ICOS: variants seen among roughly 807,000 people sequenced by gnomAD.
ICOS encodes the protein inducible T cell costimulator.
Under a neutral mutation model 24.6 loss-of-function variants are expected in ICOS, and 15 were observed. The observed-to-expected ratio is 0.61, with a 90% CI of 0.41 to 0.94. The LOEUF (loss-of-function observed/expected upper bound fraction) is 0.94, where lower values mean the gene tolerates loss of function less well. ICOS is among the 40% of genes least tolerant of loss of function. The pLI, the probability that ICOS is intolerant of heterozygous loss-of-function variation, is 0.00. For missense variants in ICOS, 200 were observed against 233.0 expected (o/e 0.86, Z 0.92); for synonymous variants, 89 against 77.5 (o/e 1.15, Z -0.78).
chr2:203,944,110 T>C (rs1467184840), intron 1 of ICOS, among the ~76,000 whole-genome samples: 5 of 152,218 alleles, frequency 3.3e-5, no homozygotes, highest in Admixed American at 6.5e-5. Context: ...TTCCCCTGCA[T>C]GTGAAATCTG....
At chr2:203,945,496 G>A (rs1302750522) in intron 1 of ICOS, among the ~76,000 whole-genome samples, 1 of 152,142 alleles carries the variant, frequency 6.6e-6, no homozygotes, top group Non-Finnish European at 1.5e-5. Flanking sequence ...TGTCCTTAGT[G>A]ATTTTGTTGT....
Position 203,956,731 on chromosome 2 carries a change from T to G in ICOS, c.467T>G (p.Leu156Trp). ...GCAAFVVVCI[L>W]GCILICWLTK... ...GCAGCCTTTGTTGTAGTCTGCATTT[T>G]GGGATGCATACTTATTTGTTGGCTT... Residue 156 changes from leucine (L) to tryptophan (W), a missense_variant, in exon 3 of 5, where the codon TTG (leucine) becomes TGG (tryptophan). Physicochemically the swap from Leu to Trp is moderately conservative, Grantham distance 61. Coordinates refer to ENST00000316386, the MANE Select transcript of ICOS (RefSeq NM_012092.4). 1 of 1,612,896 alleles carries G rather than the reference T, an allele frequency of 6.2e-7. No homozygotes were observed. The highest frequency in any genetic ancestry group is 8.5e-7 in the Non-Finnish European group (1 of 1,178,962).
At position 203,949,601 on chromosome 2, in the gene ICOS, A is replaced by G. The variant is rs547525238; in HGVS notation, c.59-6035A>G. ...TTGATGAAATTTATTAGCAATGGAA[A>G]TGGTATGTTAGGAAGCATGAGGAGC... On this transcript the variant is annotated intron_variant, in intron 1 of 4. Coordinates refer to ENST00000316386, the MANE Select transcript of ICOS (RefSeq NM_012092.4). 2.6e-5 allele frequency among the ~76,000 whole-genome samples: 4 copies of G among 152,342 alleles called. No individual in the cohort carries two copies. The South Asian group carries it at 8.3e-4, about 32-fold the overall frequency.
intron 1 of ICOS, among the ~76,000 whole-genome samples, chr2:203,948,633 C>G (rs1689913703): frequency 6.6e-6 from 1 of 152,060 alleles, no homozygotes; most frequent in Non-Finnish European, 1.5e-5. Flanking sequence ...AGTGGAGTAG[C>G]CAGACAATAA....
At chr2:203,944,314 C>T (rs1689832567) in intron 1 of ICOS, among the ~76,000 whole-genome samples, 1 of 152,164 alleles carries the variant, frequency 6.6e-6, no homozygotes, top group South Asian at 2.1e-4. Context: ...GCTCCCAGAG[C>T]CTTTCTGCAG....
chr2:203,957,954 T>TG, intron 4 of ICOS, 71 bp downstream of exon 4: 1 of 943,840 alleles, frequency 1.1e-6, no homozygotes, highest in Non-Finnish European at 1.7e-6. Context: ...TTAATTTTTT[T>TG]TTTTTTAATT....
intron 3 of ICOS, 128 bp downstream of exon 3, chr2:203,956,893 A>G: frequency 1.4e-6 from 1 of 690,958 alleles, no homozygotes; most frequent in South Asian, 1.6e-5. Context: ...CTTCCCCCCA[A>G]GACATACCTA....
At chr2:203,951,789 T>C (rs1282739892) in intron 1 of ICOS, among the ~76,000 whole-genome samples, 1 of 152,220 alleles carries the variant, frequency 6.6e-6, no homozygotes, top group Non-Finnish European at 1.5e-5. Flanking sequence ...CGTCCACTGA[T>C]TTTATCTTCT....
chr2:203,944,713 A>G (rs1689839431), intron 1 of ICOS, among the ~76,000 whole-genome samples: 1 of 152,178 alleles, frequency 6.6e-6, no homozygotes, highest in Non-Finnish European at 1.5e-5. Flanking sequence ...CTCATGGTTA[A>G]ATGAGGAAGA....
At chr2:203,938,239 T>A (rs1005867546) in intron 1 of ICOS, among the ~76,000 whole-genome samples, 2 of 152,206 alleles carry the variant, frequency 1.3e-5, no homozygotes, top group South Asian at 2.1e-4. Context: ...AGGAGCAGGG[T>A]TCATTGAAGT....
In ICOS at chr2:203,956,721, G is replaced by T; in HGVS notation, c.457G>T (p.Val153Phe). ...CATAGGATGTGCAGCCTTTGTTGTA[G>T]TCTGCATTTTGGGATGCATACTTAT... ...LPIGCAAFVV[V>F]CILGCILICW... Residue 153 changes from valine (V) to phenylalanine (F), a missense_variant, in exon 3 of 5, where the codon GTC becomes TTC. Coordinates refer to ENST00000316386, the MANE Select transcript of ICOS (RefSeq NM_012092.4). 6.2e-7 allele frequency: 1 copy of T among 1,613,478 alleles called. No individual in the cohort carries two copies. The highest frequency in any genetic ancestry group is 8.5e-7 in the Non-Finnish European group (1 of 1,179,520).
rs1451660232 is a variant in ICOS at position 203,960,343 on chromosome 2, A to G, written c.*744A>G. ...TCTATGCATACATATATACACACAT[A>G]TGTATATAAAATTCATAATGAATAT... On this transcript the variant is annotated 3_prime_UTR_variant, in exon 5 of 5. Coordinates refer to ENST00000316386, the MANE Select transcript of ICOS (RefSeq NM_012092.4). 6.6e-6 allele frequency: 1 copy of G among 152,280 alleles called. No homozygotes were observed. Among genetic ancestry groups the G allele is most frequent in the Non-Finnish European group, 1.5e-5 (1 of 68,100 alleles). The allele number at this position is 152,280 out of a possible 1,614,324, so 9.4% of individuals were successfully genotyped here. A position where few individuals can be genotyped will look rare whatever the true frequency, so the allele number is the denominator to read the frequency against.
chr2:203,939,813 C>T (rs941622701), intron 1 of ICOS, among the ~76,000 whole-genome samples: 9 of 152,304 alleles, frequency 5.9e-5, no homozygotes, highest in Middle Eastern at 3.4e-3. Flanking sequence ...TAAATGTCAT[C>T]TCCTGACAGC....
chr2:203,940,031 C>T (rs1689735205), intron 1 of ICOS, among the ~76,000 whole-genome samples: 1 of 152,150 alleles, frequency 6.6e-6, no homozygotes, highest in Non-Finnish European at 1.5e-5. Flanking sequence ...TGACTCTCCT[C>T]TTTGCCTCCG....
intron 1 of ICOS, among the ~76,000 whole-genome samples, chr2:203,937,756 C>T (rs1689684017): frequency 6.6e-6 from 1 of 151,856 alleles, no homozygotes; most frequent in African/African-American, 2.4e-5. Context: ...AAAAAATAGA[C>T]CTTACTGTTC....
At chr2:203,956,880 T>C in intron 3 of ICOS, 115 bp downstream of exon 3, 1 of 743,946 alleles carries the variant, frequency 1.3e-6, no homozygotes. Context: ...AGGGAGACAA[T>C]TCCTTCCCCC....
chr2:203,955,897 A>C lies in ICOS; in HGVS notation c.320A>C (p.Tyr107Ser). ...TTGGACCATTCTCATGCCAACTATTACTTCTGCAACCTATCAATTTTTGAT... is the reference window on the plus strand; with the variant it reads ...TTGGACCATTCTCATGCCAACTATTCCTTCTGCAACCTATCAATTTTTGAT... ...YNLDHSHANY[Y>S]FCNLSIFDPP... is the part of the protein sequence containing the mutation. The change falls in exon 2 of 5, where the codon TAC (tyrosine) becomes TCC (serine). Residue 107 changes from tyrosine to serine, a missense_variant. Physicochemically the swap from Tyr to Ser is moderately radical, Grantham distance 144. Transcript: ENST00000316386. 2 of 1,613,494 alleles carry C rather than the reference A, an allele frequency of 1.2e-6. No individual in the cohort carries two copies. Among genetic ancestry groups the C allele is most frequent in the Non-Finnish European group, 1.7e-6 (2 of 1,179,602 alleles).
In ICOS at chr2:203,937,126, T is replaced by A. The variant is rs188677321; in HGVS notation, c.58+254T>A. On this transcript the variant is annotated intron_variant, in intron 1 of 4. Transcript: ENST00000316386. Reference sequence around the variant, plus strand: ...CAGACCATTAAATTTTTAAATTACCTGCTTGGAGTTACCTGTCAGTGGATA... The same window carrying A: ...CAGACCATTAAATTTTTAAATTACCAGCTTGGAGTTACCTGTCAGTGGATA... Among the ~76,000 whole-genome samples, 185 of 152,270 alleles carry A rather than the reference T, an allele frequency of 1.2e-3. 5 individuals carry two copies. The highest frequency in any genetic ancestry group is 0.012 in the Admixed American group (185 of 15,298).
rs1422233907 is a variant in ICOS, at chr2:203,955,856, T to C, written c.279T>C (p.Ser93=). 6.2e-7 allele frequency: 1 copy of C among 1,613,496 alleles called. No individual in the cohort carries two copies. Among genetic ancestry groups the C allele is most frequent in the South Asian group, 1.1e-5 (1 of 91,066 alleles). ...CHSQLSNNSV[S]FFLYNLDHSH... is the part of the protein sequence containing the mutation. Reference sequence around the variant, plus strand: ...CTCAGTTATCCAACAACAGTGTCTCTTTTTTTCTATACAACTTGGACCATT... The same window carrying C: ...CTCAGTTATCCAACAACAGTGTCTCCTTTTTTCTATACAACTTGGACCATT... Residue 93 remains serine (S), a synonymous_variant, in exon 2 of 5, where the codon TCT becomes TCC. Transcript: ENST00000316386.
Sources: gnomAD v4.1 joint callset for allele counts (sites outside exome capture counted in the v4.1 genomes callset) on GRCh38, gnomAD v4.1.1 for gene constraint, MANE v1.5 for transcripts, NCBI Gene and HGNC (gene_info 2026-07-23, HGNC 2026-07-21) for gene names.